Variants in ASIC2 observed in about 807,000 individuals in gnomAD.
ASIC2 encodes the protein acid-sensing ion channel 2.
Under a neutral mutation model 57.3 loss-of-function variants are expected in ASIC2, and 25 were observed. The ratio of observed to expected loss-of-function variants is 0.44; its 90% confidence interval spans 0.32 to 0.61. The LOEUF (loss-of-function observed/expected upper bound fraction) is 0.61, where lower values mean the gene tolerates loss of function less well. Among genes scored for constraint, ASIC2 ranks in the 20% least tolerant of loss-of-function variants. ASIC2 has a pLI of 0.06. For synonymous variants in ASIC2, 319 were observed against 307.5 expected, an observed-to-expected ratio of 1.04 and a Z score of -0.39; for missense variants, 641 against 738.1, an observed-to-expected ratio of 0.87 and a Z score of 1.52.
Position 34,028,588 on chromosome 17 carries a change from C to T in ASIC2, c.555+127390G>A, listed in dbSNP as rs145179830. Among the ~76,000 whole-genome samples, 578 of 152,246 alleles carry T rather than the reference C, an allele frequency of 3.8e-3. 12 individuals carry two copies. Among genetic ancestry groups the T allele is most frequent in the Non-Finnish European group, 7.8e-4 (53 of 68,022 alleles). On this transcript the variant is annotated intron_variant, in intron 1 of 9. Coordinates refer to the ASIC2 transcript ENST00000359872. ...TGGATGCTATCTCATTTACATACTCCGCTAGGATCATTATTTCACCAGCAG... is the reference window on the plus strand; with the variant it reads ...TGGATGCTATCTCATTTACATACTCTGCTAGGATCATTATTTCACCAGCAG...
At chr17:33,126,776 C>A (rs1031091645) in intron 1 of ASIC2, among the ~76,000 whole-genome samples, 8 of 151,658 alleles carry the variant, frequency 5.3e-5, no homozygotes, top group African/African-American at 1.9e-4. Flanking sequence ...CAGAGCAAGA[C>A]TGCTGCAAAT....
At chr17:33,391,793 G>A (rs1316488292) in intron 1 of ASIC2, among the ~76,000 whole-genome samples, 1 of 152,190 alleles carries the variant, frequency 6.6e-6, no homozygotes, top group Non-Finnish European at 1.5e-5. Context: ...TCATATATGT[G>A]CCAGGTCCTA....
intron 1 of ASIC2, among the ~76,000 whole-genome samples, chr17:33,849,591 A>C (rs540036873): frequency 6.6e-6 from 1 of 152,318 alleles, no homozygotes; most frequent in South Asian, 2.1e-4. Flanking sequence ...AGCCTTACCC[A>C]GGGGGTGAGA....
intron 1 of ASIC2, among the ~76,000 whole-genome samples, chr17:33,558,239 G>T (rs1915968179): frequency 6.6e-6 from 1 of 151,880 alleles, no homozygotes; most frequent in African/African-American, 2.4e-5. Context: ...ACCCTGTGGG[G>T]CTGGACCCTA....
intron 1 of ASIC2, among the ~76,000 whole-genome samples, chr17:33,933,104 A>G (rs1915981034): frequency 6.6e-6 from 1 of 152,068 alleles, no homozygotes; most frequent in East Asian, 1.9e-4. Context: ...GCTCCAGTCA[A>G]CCTGACCTTG....
At position 34,156,128 on chromosome 17, in the gene ASIC2, C is replaced by T; in HGVS notation, c.405G>A (p.Glu135=). ...TGAAGTTGGCCTTCTGCCGCAGGGCCTCCAGCACGGAGGGGTCAGCCAGAT... is the reference window on the plus strand; with the variant it reads ...TGAAGTTGGCCTTCTGCCGCAGGGCTTCCAGCACGGAGGGGTCAGCCAGAT... Residue 135 remains glutamate, a synonymous_variant, in exon 1 of 10, where the codon GAG becomes GAA. Transcript: ENST00000359872. The surrounding 1 kb of genome is among the most constrained non-coding windows in gnomAD (Gnocchi z 4.4). The T allele has an allele frequency of 2.5e-6, 4 of 1,614,090 alleles. No homozygotes were observed. Among genetic ancestry groups the T allele is most frequent in the South Asian group, 1.1e-5 (1 of 91,074 alleles).
intron 1 of ASIC2, among the ~76,000 whole-genome samples, chr17:34,133,704 G>A (rs1441220440): frequency 6.6e-6 from 1 of 152,238 alleles, no homozygotes; most frequent in Non-Finnish European, 1.5e-5. Flanking sequence ...GCCACCTGCT[G>A]TATGCAAAGT....
At chr17:33,898,705 G>A (rs534584710) in intron 1 of ASIC2, among the ~76,000 whole-genome samples, 1 of 152,184 alleles carries the variant, frequency 6.6e-6, no homozygotes, top group African/African-American at 2.4e-5. Flanking sequence ...GTGGCATTTT[G>A]TCAGCATATC....
intron 3 of ASIC2, among the ~76,000 whole-genome samples, chr17:33,084,163 A>T (rs1304503105): frequency 6.6e-6 from 1 of 151,968 alleles, no homozygotes; most frequent in Admixed American, 6.6e-5. Flanking sequence ...AGGGGCAGGG[A>T]CTCCCAGGTG....
At chr17:33,903,013 A>G (rs940362187) in intron 1 of ASIC2, among the ~76,000 whole-genome samples, 1 of 152,180 alleles carries the variant, frequency 6.6e-6, no homozygotes, top group Non-Finnish European at 1.5e-5. Flanking sequence ...AAGAGAGGAA[A>G]TCCTCAACAA....
At chr17:33,213,756 G>T (rs751314090) in intron 1 of ASIC2, among the ~76,000 whole-genome samples, 2 of 152,016 alleles carry the variant, frequency 1.3e-5, no homozygotes, top group Non-Finnish European at 2.9e-5. Context: ...CAATCTCACC[G>T]ATTCTTAGTT....
Position 33,028,234 on chromosome 17 carries a change from G to C in ASIC2, c.1138+8C>G. On this transcript the variant is annotated splice_region_variant and intron_variant, in intron 4 of 9. Transcript: ENST00000225823. ...AGGGCCCTGTGGCCACCCTGCCCTG[G>C]CACTGACCTGGCATGTGAACCATGC... 2 of 1,613,572 alleles carry C rather than the reference G, an allele frequency of 1.2e-6. No individual in the cohort carries two copies. The highest frequency in any genetic ancestry group is 1.7e-6 in the Non-Finnish European group (2 of 1,179,888).
intron 1 of ASIC2, among the ~76,000 whole-genome samples, chr17:33,877,809 C>T (rs1914590845): frequency 6.6e-6 from 1 of 152,216 alleles, no homozygotes; most frequent in Non-Finnish European, 1.5e-5. Context: ...CAGACTGCCT[C>T]CTCAAGTGGG....
intron 1 of ASIC2, chr17:34,037,886 T>A (rs956312610): frequency 2.2e-5 from 36 of 1,613,764 alleles, no homozygotes; most frequent in Non-Finnish European, 3.0e-5. Flanking sequence ...TTGCTGAGAC[T>A]GGTTATGGCC....
chr17:33,217,467 A>G (rs1019096199), intron 1 of ASIC2, among the ~76,000 whole-genome samples: 4 of 152,196 alleles, frequency 2.6e-5, no homozygotes, highest in African/African-American at 9.7e-5. Flanking sequence ...TCTATTTCCC[A>G]TCATGACACT....
chr17:33,775,953 C>T (rs1205271408), intron 1 of ASIC2, among the ~76,000 whole-genome samples: 4 of 151,938 alleles, frequency 2.6e-5, no homozygotes, highest in Admixed American at 6.5e-5. Flanking sequence ...ACTGACATGA[C>T]GAAACACCGT....
chr17:33,462,170 T>G (rs1266567217), intron 1 of ASIC2, among the ~76,000 whole-genome samples: 1 of 152,182 alleles, frequency 6.6e-6, no homozygotes, highest in Non-Finnish European at 1.5e-5. Context: ...ACAATTGGGA[T>G]TAACTGCTGT....
chr17:33,578,724 C>G (rs966128195), intron 1 of ASIC2, among the ~76,000 whole-genome samples: 3 of 152,184 alleles, frequency 2.0e-5, no homozygotes, highest in Non-Finnish European at 4.4e-5. Context: ...TTGACCTTGA[C>G]AGAGGGGGCA....
At chr17:33,692,030 TTACTG>T (rs1270039576) in intron 1 of ASIC2, among the ~76,000 whole-genome samples, 8 of 152,180 alleles carry the variant, frequency 5.3e-5, no homozygotes, top group Non-Finnish European at 1.0e-4. Context: ...GTCCAGCATG[TTACTG>T]TACTGTATAT....
Sources: allele counts gnomAD v4.1 joint callset (sites outside exome capture counted in the v4.1 genomes callset), GRCh38; gene constraint gnomAD v4.1.1; non-coding constraint Gnocchi (gnomAD v3.1); transcripts MANE v1.5; gene names NCBI Gene and HGNC (gene_info 2026-07-23, HGNC 2026-07-21).